PCNX2: variants seen among roughly 807,000 people sequenced by gnomAD.
PCNX2 encodes pecanex 2.
Under a neutral mutation model 223.8 loss-of-function variants are expected in PCNX2, and 168 were observed. That is an observed-to-expected ratio of 0.75 (90% CI 0.66 to 0.85). The LOEUF (loss-of-function observed/expected upper bound fraction) is 0.85, where lower values mean the gene tolerates loss of function less well. Ranked by LOEUF, PCNX2 falls within the 40% of genes least tolerant of loss-of-function variation. The pLI is 0.00. For missense variants in PCNX2, 2,507 were observed against 2,675.5 expected, an observed-to-expected ratio of 0.94 and a Z score of 1.39; for synonymous variants, 1,006 against 1,052.6, an observed-to-expected ratio of 0.96 and a Z score of 0.86.
rs373304553 is a variant in PCNX2, at chr1:233,177,789, G to A, written c.3273+13C>T. The A allele has an allele frequency of 5.6e-6, 9 of 1,601,892 alleles. No individual in the cohort carries two copies. Among genetic ancestry groups the A allele is most frequent in the Admixed American group, 1.7e-5 (1 of 59,980 alleles). ...GCCCTCCTATGCTACATTACACAAC[G>A]CAAATGTCTCACCACTGAATCTTTC... On this transcript the variant is annotated intron_variant, in intron 17 of 33. Transcript: ENST00000258229.
intron 32 of PCNX2, among the ~76,000 whole-genome samples, chr1:232,992,539 C>T (rs1023024599): frequency 1.3e-5 from 2 of 152,172 alleles, no homozygotes; most frequent in African/African-American, 4.8e-5. Flanking sequence ...GGGACAAGGA[C>T]ATTCGAAGCA....
chr1:233,168,148 C>T (rs1233200204), intron 17 of PCNX2, among the ~76,000 whole-genome samples: 1 of 152,018 alleles, frequency 6.6e-6, no homozygotes, highest in African/African-American at 2.4e-5. Context: ...AAGATGGAAG[C>T]AAAAAGCAAA....
chr1:233,093,408 A>C (rs1673988973), intron 22 of PCNX2, among the ~76,000 whole-genome samples: 1 of 152,224 alleles, frequency 6.6e-6, no homozygotes, highest in Admixed American at 6.5e-5. Context: ...ATTCCAAAAC[A>C]GAGCAAATTA....
intron 21 of PCNX2, among the ~76,000 whole-genome samples, chr1:233,108,602 A>C (rs1466621319): frequency 6.6e-6 from 1 of 152,252 alleles, no homozygotes; most frequent in Non-Finnish European, 1.5e-5. Context: ...AGACATGCAC[A>C]GGAGCACACG....
intron 28 of PCNX2, among the ~76,000 whole-genome samples, chr1:233,005,193 T>G (rs1885005): frequency 0.024 from 3,685 of 152,024 alleles, 150 homozygotes; most frequent in African/African-American, 0.084. Context: ...ATTCGGAGGG[T>G]CATGATACTT....
chr1:232,998,105 C>A, intron 32 of PCNX2, 146 bp downstream of exon 32: 1 of 781,882 alleles, frequency 1.3e-6, no homozygotes, highest in Non-Finnish European at 1.9e-6. Context: ...TGAGCAGAAC[C>A]TACAAGAGTC....
chr1:233,215,990 G>T (rs1229097933), intron 12 of PCNX2, among the ~76,000 whole-genome samples: 4 of 152,154 alleles, frequency 2.6e-5, no homozygotes, highest in Non-Finnish European at 5.9e-5. Flanking sequence ...TAATTACTAT[G>T]AGCTAAACAG....
At chr1:233,134,166 G>A (rs1676672369) in intron 21 of PCNX2, among the ~76,000 whole-genome samples, 1 of 152,232 alleles carries the variant, frequency 6.6e-6, no homozygotes, top group Admixed American at 6.5e-5. Context: ...CGTGGCTGCT[G>A]TATTCAACTG....
At chr1:233,041,787 A>G (rs1671653667) in intron 25 of PCNX2, among the ~76,000 whole-genome samples, 1 of 152,172 alleles carries the variant, frequency 6.6e-6, no homozygotes, top group South Asian at 2.1e-4. Context: ...TTAAGTCCTT[A>G]TGTGTGAATA....
intron 1 of PCNX2, among the ~76,000 whole-genome samples, chr1:233,279,720 A>G (rs1014312502): frequency 6.6e-6 from 1 of 152,200 alleles, no homozygotes; most frequent in Non-Finnish European, 1.5e-5. Flanking sequence ...CCTGTACTAC[A>G]TATATAATAA....
intron 25 of PCNX2, among the ~76,000 whole-genome samples, chr1:233,053,454 C>T (rs1030220955): frequency 3.9e-5 from 6 of 152,148 alleles, no homozygotes; most frequent in African/African-American, 9.7e-5. Flanking sequence ...TTTCATAGCA[C>T]CTGCTCCAAG....
rs117316984 is a variant in PCNX2, at chr1:233,259,238, C to A, written c.624G>T (p.Thr208=). The part of the protein sequence containing the change: ...PASQAHMLET[T]TKSVIPVKPV... ...GTTTTACAGGTATTACTGACTTGGT[C>A]GTGGTTTCCAGCATGTGTGCTTGAG... Residue 208 remains threonine (T), a synonymous_variant, in exon 5 of 34, where the codon ACG becomes ACT. Transcript: ENST00000258229. 6 of 1,613,792 alleles carry A rather than the reference C, an allele frequency of 3.7e-6. No individual in the cohort carries two copies. Among genetic ancestry groups the A allele is most frequent in the Non-Finnish European group, 5.1e-6 (6 of 1,179,878 alleles).
chr1:233,010,403 T>A (rs1025815952), intron 28 of PCNX2, among the ~76,000 whole-genome samples: 1 of 152,250 alleles, frequency 6.6e-6, no homozygotes, highest in African/African-American at 2.4e-5. Flanking sequence ...TTAAATTTTC[T>A]ATCCTCTTGG....
chr1:233,201,130 A>AAG (rs1558337393), intron 13 of PCNX2, among the ~76,000 whole-genome samples: 4 of 142,212 alleles, frequency 2.8e-5, no homozygotes, highest in Admixed American at 7.1e-5. Context: ...AAAAAAAAAA[A>AAG]GTTGGTTAAA....
chr1:232,999,301 G>A lies in PCNX2; in HGVS notation c.5407C>T (p.Arg1803Cys), dbSNP rs1222122993. 7.5e-6 allele frequency: 12 copies of A among 1,609,300 alleles called. 1 individual carries two copies. The highest frequency in any genetic ancestry group is 2.2e-5 in the South Asian group (2 of 90,154). ...LIFLRNRNPE[R>C]GSIQNNKQVL... ...TGCTTATTGTTCTGGATACTGCCGC[G>A]CTCCGGATTGCGGTTGCGAAGAAAT... The change falls in exon 31 of 34, where the codon CGC (arginine) becomes TGC (cysteine). Residue 1803 changes from arginine to cysteine, a missense_variant. Arg to Cys is a radical substitution (Grantham distance 180). Transcript: ENST00000258229.
chr1:233,087,014 C>T, intron 23 of PCNX2: 1 of 985,118 alleles, frequency 1.0e-6, no homozygotes, highest in Non-Finnish European at 1.2e-6. Flanking sequence ...ACAGGGGACA[C>T]ATTTGTCATA....
chr1:233,078,262 T>A (rs1353533276), intron 23 of PCNX2, among the ~76,000 whole-genome samples: 1 of 152,036 alleles, frequency 6.6e-6, no homozygotes, highest in African/African-American at 2.4e-5. Context: ...TCACTTGGAG[T>A]ATTGGCCGAT....
intron 9 of PCNX2, chr1:233,231,504 C>T: frequency 4.9e-6 from 2 of 409,606 alleles, no homozygotes; most frequent in Non-Finnish European, 6.6e-6. Flanking sequence ...TCTATAGAAC[C>T]TCCCCAAAGT....
chr1:233,006,032 C>A (rs1395309412), intron 28 of PCNX2, among the ~76,000 whole-genome samples: 1 of 152,006 alleles, frequency 6.6e-6, no homozygotes, highest in African/African-American at 2.4e-5. Context: ...GCAGGCAGGG[C>A]CCTGAAAAAA....
Sources: allele counts gnomAD v4.1 joint callset (sites outside exome capture counted in the v4.1 genomes callset), GRCh38; gene constraint gnomAD v4.1.1; transcripts MANE v1.5; gene names NCBI Gene and HGNC (gene_info 2026-07-23, HGNC 2026-07-21).